The following XKR6 variants were observed in gnomAD, a reference collection of about 807,000 sequenced individuals.
XKR6 encodes the protein XK-related protein 6.
Under a neutral mutation model 56.7 loss-of-function variants are expected in XKR6, and 22 were observed. The observed-to-expected ratio is 0.39, with a 90% CI of 0.28 to 0.55. XKR6 has a LOEUF of 0.55. Ranked by LOEUF, XKR6 falls within the 20% of genes least tolerant of loss-of-function variation. The pLI is 0.66. For missense variants in XKR6, 852 were observed against 889.0 expected, an observed-to-expected ratio of 0.96 and a Z score of 0.53; for synonymous variants, 524 against 387.8, an observed-to-expected ratio of 1.35 and a Z score of -4.13.
intron 1 of XKR6, among the ~76,000 whole-genome samples, chr8:11,009,175 G>T (rs1798443539): frequency 6.6e-6 from 1 of 152,202 alleles, no homozygotes; most frequent in African/African-American, 2.4e-5. Context: ...CAAGTTCCGT[G>T]TGTGTAAGTG....
chr8:10,941,145 C>T (rs2129123593), intron 1 of XKR6, among the ~76,000 whole-genome samples: 1 of 152,250 alleles, frequency 6.6e-6, no homozygotes, highest in African/African-American at 2.4e-5. Flanking sequence ...CAGGCCCTGT[C>T]CAACAGGCTC....
chr8:11,117,343 C>G (rs1397167367), intron 1 of XKR6, among the ~76,000 whole-genome samples: 1 of 152,194 alleles, frequency 6.6e-6, no homozygotes, highest in Non-Finnish European at 1.5e-5. Context: ...CAAAAACCAA[C>G]AGCATTCTTA....
At chr8:11,063,579 T>A (rs1361378216) in intron 1 of XKR6, among the ~76,000 whole-genome samples, 2 of 151,946 alleles carry the variant, frequency 1.3e-5, no homozygotes, top group Non-Finnish European at 2.9e-5. Flanking sequence ...GATCTATTAT[T>A]ACAGCACCCA....
At chr8:10,991,399 T>C (rs1410737432) in intron 1 of XKR6, among the ~76,000 whole-genome samples, 6 of 152,214 alleles carry the variant, frequency 3.9e-5, no homozygotes, top group Non-Finnish European at 7.3e-5. Context: ...CAGTTAGCTC[T>C]TCCTTGCTTA....
intron 1 of XKR6, among the ~76,000 whole-genome samples, chr8:10,998,423 A>G (rs1417911216): frequency 6.6e-6 from 1 of 152,122 alleles, no homozygotes; most frequent in Non-Finnish European, 1.5e-5. Flanking sequence ...AATAGCCCAA[A>G]TTCCTAGAAT....
At chr8:11,064,273 G>A (rs1244371148) in intron 1 of XKR6, among the ~76,000 whole-genome samples, 1 of 152,160 alleles carries the variant, frequency 6.6e-6, no homozygotes, top group East Asian at 1.9e-4. Context: ...AGGAAAGAGA[G>A]GCTAAAGCTT....
intron 1 of XKR6, among the ~76,000 whole-genome samples, chr8:11,086,061 G>A (rs943374861): frequency 2.6e-5 from 4 of 151,366 alleles, no homozygotes; most frequent in South Asian, 4.2e-4. Flanking sequence ...ACACTCTCAC[G>A]GTCCCGCCAG....
chr8:11,021,055 GCAAATGC>G (rs1397038496), intron 1 of XKR6, among the ~76,000 whole-genome samples: 1 of 152,060 alleles, frequency 6.6e-6, no homozygotes, highest in Admixed American at 6.6e-5. Context: ...GTCCTATGAG[GCAAATGC>G]TTCTGGCTTT....
chr8:11,185,214 G>C (rs903351978), intron 1 of XKR6, among the ~76,000 whole-genome samples: 2 of 152,160 alleles, frequency 1.3e-5, no homozygotes, highest in African/African-American at 4.8e-5. Context: ...CCTGTGACCA[G>C]GTGGAATAAG....
chr8:11,124,066 C>G (rs897779861), intron 1 of XKR6: 2 of 452,134 alleles, frequency 4.4e-6, no homozygotes, highest in Middle Eastern at 3.3e-4. Context: ...TGAGCTCTCT[C>G]TCTCTAGCAC....
chr8:11,101,917 A>G lies in XKR6; in HGVS notation c.764+98659T>C, dbSNP rs564000184. 1.5e-3 allele frequency among the ~76,000 whole-genome samples: 225 copies of G among 152,290 alleles called. 2 individuals carry two copies. Among genetic ancestry groups the G allele is most frequent in the Non-Finnish European group, 2.9e-3 (194 of 68,014 alleles). On this transcript the variant is annotated intron_variant, in intron 1 of 2. Transcript: ENST00000416569. ...GGACCCGCCACAATTTTAGTGTTGT[A>G]TCTTGCAGTCTAGTTTGTTACAATC...
chr8:11,017,418 C>T (rs1046057829), intron 1 of XKR6, among the ~76,000 whole-genome samples: 1 of 152,268 alleles, frequency 6.6e-6, no homozygotes, highest in African/African-American at 2.4e-5. Context: ...TGGAACTAAC[C>T]ACAACGGCAG....
rs1474838556 is a variant in XKR6, at chr8:10,919,833, C to T, written c.961+4801G>A. On this transcript the variant is annotated intron_variant, in intron 2 of 2. Coordinates refer to ENST00000416569, the MANE Select transcript of XKR6 (RefSeq NM_173683.4). ...ATGTGACATGTCAGAATTATGTGCT[C>T]CCGTCATTTATTTGTTCTTCTGTTT... Among the ~76,000 whole-genome samples, 3 of 150,566 alleles carry T rather than the reference C, an allele frequency of 2.0e-5. No individual in the cohort carries two copies. The East Asian group carries it at 5.8e-4, about 29-fold the overall frequency.
intron 1 of XKR6, among the ~76,000 whole-genome samples, chr8:10,940,679 C>A (rs541453835): frequency 1.5e-3 from 227 of 152,330 alleles, no homozygotes; most frequent in African/African-American, 5.1e-3. Context: ...GGCTTCTCCC[C>A]ACTATCCCAG....
At chr8:11,118,125 A>T (rs1799268496) in intron 1 of XKR6, among the ~76,000 whole-genome samples, 1 of 152,236 alleles carries the variant, frequency 6.6e-6, no homozygotes, top group Admixed American at 6.5e-5. Context: ...CTCACACGTA[A>T]GCAAAAATAT....
intron 1 of XKR6, among the ~76,000 whole-genome samples, chr8:11,006,919 C>T (rs1164615042): frequency 3.3e-5 from 5 of 151,332 alleles, no homozygotes; most frequent in East Asian, 3.9e-4. Flanking sequence ...AGCCTCAGGG[C>T]GTGAATATGA....
chr8:11,009,872 G>C (rs1213069873), intron 1 of XKR6, among the ~76,000 whole-genome samples: 1 of 152,234 alleles, frequency 6.6e-6, no homozygotes, highest in Non-Finnish European at 1.5e-5. Flanking sequence ...AGTGGAAATG[G>C]TATGGAGTGT....
At chr8:11,016,312 G>T (rs929976542) in intron 1 of XKR6, among the ~76,000 whole-genome samples, 2 of 152,174 alleles carry the variant, frequency 1.3e-5, no homozygotes, top group South Asian at 2.1e-4. Context: ...TCCGCGCCGC[G>T]AGGCAGCGCG....
chr8:11,104,379 T>C (rs2129177070), intron 1 of XKR6, among the ~76,000 whole-genome samples: 1 of 152,372 alleles, frequency 6.6e-6, no homozygotes, highest in Admixed American at 6.5e-5. Flanking sequence ...AATTTTCTCC[T>C]TGACACAGTA....
Sources: gnomAD v4.1 joint callset for allele counts (sites outside exome capture counted in the v4.1 genomes callset) on GRCh38, gnomAD v4.1.1 for gene constraint, MANE v1.5 for transcripts, NCBI Gene and HGNC (gene_info 2026-07-23, HGNC 2026-07-21) for gene names.